Variants in DLC1 observed in about 807,000 individuals in gnomAD.
DLC1 encodes the protein rho GTPase-activating protein 7.
DLC1 carries 54 observed loss-of-function variants against 140.3 expected under a neutral mutation model. The observed-to-expected ratio is 0.38, with a 90% CI of 0.31 to 0.48. The LOEUF is 0.48. DLC1 is among the 20% of genes least tolerant of loss of function. The pLI is 0.96. For missense variants in DLC1, 2,536 were observed against 1,907.0 expected, an observed-to-expected ratio of 1.33 and a Z score of -6.14; for synonymous variants, 986 against 728.1, an observed-to-expected ratio of 1.35 and a Z score of -5.70.
At chr8:13,595,880 A>G (rs977368095) in intron 1 of DLC1, among the ~76,000 whole-genome samples, 8 of 152,122 alleles carry the variant, frequency 5.3e-5, no homozygotes, top group East Asian at 1.9e-4. Context: ...TAGGCAGCCT[A>G]TGATAATTGC....
intron 1 of DLC1, among the ~76,000 whole-genome samples, chr8:13,574,101 G>A (rs1297490395): frequency 6.6e-6 from 1 of 152,148 alleles, no homozygotes; most frequent in Non-Finnish European, 1.5e-5. Context: ...TAATCTGTCA[G>A]TGTTCTGAGT....
chr8:13,232,697 A>G (rs1829105362), intron 5 of DLC1, among the ~76,000 whole-genome samples: 1 of 152,158 alleles, frequency 6.6e-6, no homozygotes, highest in Non-Finnish European at 1.5e-5. Flanking sequence ...ATTCACATTC[A>G]TTTCAAGTGA....
rs755736254 is a variant in DLC1 at position 13,099,693 on chromosome 8, C to A, written c.2644G>T (p.Val882Leu). The A allele has an allele frequency of 1.2e-6, 2 of 1,614,162 alleles. No individual in the cohort carries two copies. Among genetic ancestry groups the A allele is most frequent in the African/African-American group, 1.3e-5 (1 of 75,060 alleles). ...MSSRLSIYDN[V>L]PGSILYSSSG... Reference sequence around the variant, plus strand: ...CTGGAGTAGAGGATGGAGCCCGGCACGTTGTCGTAGATGCTCAGGCGGCTG... The same window carrying A: ...CTGGAGTAGAGGATGGAGCCCGGCAAGTTGTCGTAGATGCTCAGGCGGCTG... The change falls in exon 9 of 18, where the codon GTG becomes TTG. Residue 882 changes from valine (V) to leucine (L), a missense_variant. By Grantham distance (32) the Val-to-Leu change is conservative (BLOSUM62 1). Coordinates refer to ENST00000276297, the MANE Select transcript of DLC1 (RefSeq NM_182643.3).
rs914453456 is a variant in DLC1 at position 13,088,882 on chromosome 8, T to C, written c.4075-178A>G. 165 of 565,976 alleles carry C rather than the reference T, an allele frequency of 2.9e-4. 1 individual carries two copies. The highest frequency in any genetic ancestry group is 4.7e-4 in the Non-Finnish European group (154 of 330,482). The allele number at this position is 565,976 out of a possible 1,614,324, so 35.1% of individuals were successfully genotyped here. ...GAAATATTGGGGGCTAATAAATCTA[T>C]GACTTAAATAGGCTGCTGTCCCCAA... is the stretch of plus-strand genomic sequence containing the variant. On this transcript the variant is annotated intron_variant, in intron 15 of 17. Coordinates refer to ENST00000276297, the MANE Select transcript of DLC1 (RefSeq NM_182643.3).
At chr8:13,481,854 A>G (rs924825561) in intron 2 of DLC1, among the ~76,000 whole-genome samples, 3 of 152,170 alleles carry the variant, frequency 2.0e-5, no homozygotes, top group African/African-American at 7.2e-5. Context: ...TGATGTCCTT[A>G]AAAAGGGGGA....
rs1446214389 is a variant in DLC1, at chr8:13,249,112, T to C, written c.1348+56157A>G. Reference sequence around the variant, plus strand: ...TTCCTTTGAGACAAAGTCTCGCTCTTGTTGCCCAGGCTGGAGTGCAATGGC... The same window carrying C: ...TTCCTTTGAGACAAAGTCTCGCTCTCGTTGCCCAGGCTGGAGTGCAATGGC... On this transcript the variant is annotated intron_variant, in intron 5 of 17. Coordinates refer to ENST00000276297, the MANE Select transcript of DLC1 (RefSeq NM_182643.3). 2.6e-5 allele frequency among the ~76,000 whole-genome samples: 4 copies of C among 152,322 alleles called. No homozygotes were observed. The South Asian group carries it at 8.3e-4, about 32-fold the overall frequency.
intron 2 of DLC1, among the ~76,000 whole-genome samples, chr8:13,411,969 T>G (rs1837801921): frequency 6.6e-6 from 1 of 152,118 alleles, no homozygotes; most frequent in South Asian, 2.1e-4. Flanking sequence ...GAGTCAAAAT[T>G]GTAAAATCTT....
rs546357299 is a variant in DLC1, at chr8:13,427,168, C to T, written c.1024-25549G>A. Among the ~76,000 whole-genome samples the T allele has an allele frequency of 1.3e-5, 2 of 152,318 alleles. 1 individual carries two copies. Among genetic ancestry groups the T allele is most frequent in the African/African-American group, 4.8e-5 (2 of 41,566 alleles). On this transcript the variant is annotated intron_variant, in intron 2 of 17. Transcript: ENST00000276297. Reference sequence around the variant, plus strand: ...GGCTCTCTCCCTGCCTACTCAATTCCATGCCCCACTGTACGGTTAATGCCC... The same window carrying T: ...GGCTCTCTCCCTGCCTACTCAATTCTATGCCCCACTGTACGGTTAATGCCC...
At chr8:13,236,034 A>G (rs1212963379) in intron 5 of DLC1, among the ~76,000 whole-genome samples, 1 of 152,064 alleles carries the variant, frequency 6.6e-6, no homozygotes, top group East Asian at 1.9e-4. Flanking sequence ...TGAAGTTAGT[A>G]TGGAACCCAT....
At chr8:13,508,878 T>A (rs920937949) in intron 1 of DLC1, among the ~76,000 whole-genome samples, 5 of 152,220 alleles carry the variant, frequency 3.3e-5, no homozygotes, top group African/African-American at 1.2e-4. Context: ...AATAAATTCA[T>A]TAATGAATAA....
At chr8:13,508,807 T>G (rs553630733) in intron 1 of DLC1, among the ~76,000 whole-genome samples, 10 of 152,346 alleles carry the variant, frequency 6.6e-5, no homozygotes, top group African/African-American at 2.4e-4. Context: ...TAGTACTGTT[T>G]GATCCTATGC....
chr8:13,504,620 C>A (rs1018110612), intron 1 of DLC1, among the ~76,000 whole-genome samples: 1 of 151,906 alleles, frequency 6.6e-6, no homozygotes, highest in Non-Finnish European at 1.5e-5. Flanking sequence ...TAAATGTAAT[C>A]GGAGAAAGAG....
At chr8:13,373,940 T>C (rs1028264712) in intron 4 of DLC1, among the ~76,000 whole-genome samples, 6 of 152,238 alleles carry the variant, frequency 3.9e-5, no homozygotes, top group Non-Finnish European at 4.4e-5. Context: ...TTTCATTTTA[T>C]GGAAAATTTG....
chr8:13,506,581 G>GTGTGTGTATATATATATATATATATA (rs1246764417), intron 1 of DLC1, among the ~76,000 whole-genome samples: 22 of 131,122 alleles, frequency 1.7e-4, no homozygotes, highest in African/African-American at 6.4e-4. Context: ...GTGTGTGTGT[G>GTGTGTGTATATATATATATATATATA]TATATATATA....
At chr8:13,595,703 G>C (rs1014152615) in intron 1 of DLC1, among the ~76,000 whole-genome samples, 21 of 151,936 alleles carry the variant, frequency 1.4e-4, no homozygotes, top group Non-Finnish European at 2.2e-4. Context: ...AATAGACAAA[G>C]ATTACTAATT....
At chr8:13,247,956 T>C (rs1370990830) in intron 5 of DLC1, among the ~76,000 whole-genome samples, 1 of 152,208 alleles carries the variant, frequency 6.6e-6, no homozygotes, top group Non-Finnish European at 1.5e-5. Flanking sequence ...TAATAAACAA[T>C]ATGTAAATGA....
intron 10 of DLC1, among the ~76,000 whole-genome samples, chr8:13,097,423 T>G (rs966004737): frequency 1.1e-4 from 17 of 151,890 alleles, no homozygotes; most frequent in African/African-American, 3.6e-4. Context: ...GCCACCACAC[T>G]CAGCTAATTT....
At chr8:13,345,267 C>G (rs754962470) in intron 4 of DLC1, among the ~76,000 whole-genome samples, 9 of 152,018 alleles carry the variant, frequency 5.9e-5, no homozygotes, top group Non-Finnish European at 1.0e-4. Context: ...ATGTATTCCA[C>G]CTAAAATGTC....
At chr8:13,111,300 A>C (rs535404060) in intron 6 of DLC1, among the ~76,000 whole-genome samples, 1 of 152,338 alleles carries the variant, frequency 6.6e-6, no homozygotes, top group South Asian at 2.1e-4. Context: ...AATGGAATGT[A>C]ATCCACTCAC....
Sources: allele counts gnomAD v4.1 joint callset (sites outside exome capture counted in the v4.1 genomes callset), GRCh38; gene constraint gnomAD v4.1.1; transcripts MANE v1.5; gene names NCBI Gene and HGNC (gene_info 2026-07-23, HGNC 2026-07-21).